The following KCNC2 variants were observed in gnomAD, a reference collection of about 807,000 sequenced individuals.
KCNC2 encodes potassium voltage-gated channel subfamily C member 2.
In KCNC2, 21 loss-of-function variants were observed where a neutral mutation model predicts 44.5. The observed-to-expected ratio is 0.47, with a 90% CI of 0.33 to 0.68. KCNC2 has a LOEUF of 0.68. Among genes scored for constraint, KCNC2 ranks in the 30% least tolerant of loss-of-function variants. The pLI, the probability that KCNC2 is intolerant of heterozygous loss-of-function variation, is 0.01. For missense variants in KCNC2, 589 were observed against 826.2 expected, an observed-to-expected ratio of 0.71 and a Z score of 3.52; for synonymous variants, 391 against 339.1, an observed-to-expected ratio of 1.15 and a Z score of -1.68.
At chr12:75,160,329 C>A (rs972517974) in intron 2 of KCNC2, among the ~76,000 whole-genome samples, 1 of 151,632 alleles carries the variant, frequency 6.6e-6, no homozygotes, top group African/African-American at 2.4e-5. Flanking sequence ...AGTCTCCAGA[C>A]CTGTGAAAAA....
intron 2 of KCNC2, among the ~76,000 whole-genome samples, chr12:75,131,848 ACT>A (rs1166809772): frequency 1.3e-5 from 2 of 152,008 alleles, no homozygotes; most frequent in African/African-American, 4.8e-5. Context: ...CCCAGGTGAC[ACT>A]CTGATTTCAG....
chr12:75,099,714 CAA>C (rs1461444197), intron 2 of KCNC2, among the ~76,000 whole-genome samples: 1 of 152,128 alleles, frequency 6.6e-6, no homozygotes, highest in African/African-American at 2.4e-5. Flanking sequence ...ATTTTAACCT[CAA>C]GTCTCTATTG....
At chr12:75,128,387 C>T (rs144939170) in intron 2 of KCNC2, among the ~76,000 whole-genome samples, 5 of 151,974 alleles carry the variant, frequency 3.3e-5, no homozygotes, top group East Asian at 3.9e-4. Flanking sequence ...GTTAACATAC[C>T]GAGTCAGCAA....
intron 2 of KCNC2, among the ~76,000 whole-genome samples, chr12:75,076,727 A>G (rs917531037): frequency 3.3e-5 from 5 of 152,214 alleles, no homozygotes; most frequent in Non-Finnish European, 5.9e-5. Context: ...TAGCCCCAAT[A>G]CACACTACTG....
At chr12:75,043,704 T>C in intron 4 of KCNC2, 1 of 1,407,580 alleles carries the variant, frequency 7.1e-7, no homozygotes, top group South Asian at 1.6e-5. Flanking sequence ...ACAACTCTTT[T>C]TCCAGCATAT....
chr12:75,058,411 A>G (rs1881970961), intron 2 of KCNC2, among the ~76,000 whole-genome samples: 1 of 152,104 alleles, frequency 6.6e-6, no homozygotes. Flanking sequence ...ACCACCATCT[A>G]GTGTTATAGA....
chr12:75,151,716 C>T (rs1395615334), intron 2 of KCNC2, among the ~76,000 whole-genome samples: 1 of 151,308 alleles, frequency 6.6e-6, no homozygotes, highest in Non-Finnish European at 1.5e-5. Flanking sequence ...CTGTAGGCAA[C>T]ATTTGGTATT....
intron 2 of KCNC2, among the ~76,000 whole-genome samples, chr12:75,087,540 T>G (rs1313109509): frequency 6.6e-6 from 1 of 152,108 alleles, no homozygotes; most frequent in African/African-American, 2.4e-5. Flanking sequence ...TCTCAGTGTT[T>G]TCACTATTTT....
chr12:75,088,961 A>G (rs1386129320), intron 2 of KCNC2, among the ~76,000 whole-genome samples: 1 of 151,946 alleles, frequency 6.6e-6, no homozygotes, highest in Non-Finnish European at 1.5e-5. Context: ...CCACAGCCCC[A>G]TAAAACAATG....
At chr12:75,156,708 C>T (rs922348319) in intron 2 of KCNC2, among the ~76,000 whole-genome samples, 3 of 151,794 alleles carry the variant, frequency 2.0e-5, no homozygotes, top group Non-Finnish European at 2.9e-5. Flanking sequence ...ACAATAAATA[C>T]TCTAATATAG....
chr12:75,160,036 A>C (rs953453001), intron 2 of KCNC2, among the ~76,000 whole-genome samples: 5 of 151,900 alleles, frequency 3.3e-5, no homozygotes, highest in Admixed American at 3.3e-4. Flanking sequence ...CTATAGGCTG[A>C]GTTGTGCCCT....
chr12:75,048,059 A>G (rs1880730171), intron 4 of KCNC2, 94 bp downstream of exon 4: 1 of 1,149,694 alleles, frequency 8.7e-7, no homozygotes, highest in Admixed American at 1.9e-5. Context: ...AGTCTTTCCT[A>G]GAAAATGATG....
At chr12:75,122,489 T>C (rs1175712207) in intron 2 of KCNC2, among the ~76,000 whole-genome samples, 1 of 152,200 alleles carries the variant, frequency 6.6e-6, no homozygotes, top group Non-Finnish European at 1.5e-5. Context: ...TCTATGAATA[T>C]GTGATCTTAG....
chr12:75,161,829 T>G (rs1168877120), intron 2 of KCNC2, among the ~76,000 whole-genome samples: 4 of 151,732 alleles, frequency 2.6e-5, no homozygotes, highest in African/African-American at 7.3e-5. Flanking sequence ...AGAATTCCTA[T>G]GAGACATTAA....
chr12:75,157,272 C>A (rs1037614782), intron 2 of KCNC2, among the ~76,000 whole-genome samples: 1 of 151,804 alleles, frequency 6.6e-6, no homozygotes, highest in African/African-American at 2.4e-5. Context: ...TGTCCTTAGT[C>A]CTTGCCCTTC....
Position 75,050,441 on chromosome 12 carries a change from T to G in KCNC2, c.1564A>C (p.Ser522Arg), listed in dbSNP as rs775119334. 6.2e-7 allele frequency: 1 copy of G among 1,613,480 alleles called. No individual in the cohort carries two copies. The highest frequency in any genetic ancestry group is 1.3e-5 in the African/African-American group (1 of 74,870). ...TTGTCTTTGCCCAGACATGTGTCAC[T>G]CTGTGTACTATTGCAGGCCATATTT... ...ELNMACNSTQSDTCLGKDNRL... is the reference protein window; with the variant it reads ...ELNMACNSTQRDTCLGKDNRL... The change falls in exon 3 of 5, where the codon AGT becomes CGT. Residue 522 changes from serine to arginine, a missense_variant. Physicochemically the swap from Ser to Arg is moderately radical, Grantham distance 110. Around this residue, in one of 7 missense-constraint regions of KCNC2, gnomAD observed 171 missense variants for 182.4 expected, o/e 0.94. Transcript: ENST00000549446.
chr12:75,159,128 G>A (rs1420386344), intron 2 of KCNC2, among the ~76,000 whole-genome samples: 2 of 150,486 alleles, frequency 1.3e-5, no homozygotes, highest in Non-Finnish European at 3.0e-5. Context: ...GAGGGTGGGG[G>A]GGAAAGGGGA....
rs751256692 is a variant in KCNC2, at chr12:75,208,005, A to AG, written c.-19-4dup. ...CCATCTCTGTGACTCAGACATGACTAGGGGGAGGCAAACACAGCGCCGAGT... is the reference window on the plus strand; with the variant it reads ...CCATCTCTGTGACTCAGACATGACTAGGGGGGAGGCAAACACAGCGCCGAGT... On this transcript the variant is annotated splice_region_variant and splice_polypyrimidine_tract_variant and intron_variant, in intron 1 of 4. Transcript: ENST00000549446. 4 of 1,610,676 alleles carry AG rather than the reference A, an allele frequency of 2.5e-6. No homozygotes were observed. In the South Asian group the frequency reaches 4.4e-5, roughly 18 times the overall value.
intron 2 of KCNC2, among the ~76,000 whole-genome samples, chr12:75,072,541 C>T (rs1384234133): frequency 6.6e-6 from 1 of 151,472 alleles, no homozygotes; most frequent in African/African-American, 2.4e-5. Context: ...GTCTTAAAAA[C>T]ACATAACATT....
Sources: gnomAD v4.1 joint callset for allele counts (sites outside exome capture counted in the v4.1 genomes callset) on GRCh38, gnomAD v4.1.1 for gene constraint, gnomAD v4.1.1 regional missense constraint, MANE v1.5 for transcripts, NCBI Gene and HGNC (gene_info 2026-07-23, HGNC 2026-07-21) for gene names.